The following SLC15A4 variants were observed in gnomAD, a reference collection of about 807,000 sequenced individuals.
SLC15A4 encodes the protein hPHT1.
In SLC15A4, 26 loss-of-function variants were observed where a neutral mutation model predicts 46.1. The ratio of observed to expected loss-of-function variants is 0.56; its 90% CI spans 0.41 to 0.78. SLC15A4 has a LOEUF of 0.78. Among genes scored for constraint, SLC15A4 ranks in the 30% least tolerant of loss-of-function variants. The pLI, the probability that SLC15A4 is intolerant of heterozygous loss-of-function variation, is 0.00. For missense variants in SLC15A4, 751 were observed against 755.7 expected (o/e 0.99, Z 0.07); for synonymous variants, 370 against 333.4 (o/e 1.11, Z -1.20).
chr12:128,812,551 C>T (rs10847695), intron 2 of SLC15A4, among the ~76,000 whole-genome samples: 14,383 of 152,200 alleles, frequency 0.095, 928 homozygotes, highest in Admixed American at 0.2. Context: ...CTCCTGACCT[C>T]GTGATCCGCC....
intron 4 of SLC15A4, 129 bp downstream of exon 4, chr12:128,809,267 T>A: frequency 1.5e-6 from 1 of 672,070 alleles, no homozygotes; most frequent in Non-Finnish European, 2.5e-6. Context: ...AAGTAAAAAC[T>A]CTATTTCAAT....
chr12:128,795,173 G>A (rs973150024), intron 7 of SLC15A4, among the ~76,000 whole-genome samples: 2 of 152,102 alleles, frequency 1.3e-5, no homozygotes, highest in African/African-American at 4.8e-5. Context: ...TGGATTCACT[G>A]CATGGGTCAC....
intron 2 of SLC15A4, chr12:128,810,429 C>T (rs1042749981): frequency 4.2e-5 from 13 of 309,902 alleles, no homozygotes; most frequent in South Asian, 2.8e-4. Flanking sequence ...GCTGCCAGCT[C>T]GGCAATCTCC....
chr12:128,812,778 G>A (rs1280385582), intron 2 of SLC15A4, among the ~76,000 whole-genome samples: 1 of 152,190 alleles, frequency 6.6e-6, no homozygotes, highest in Non-Finnish European at 1.5e-5. Flanking sequence ...AAAAAGGAAA[G>A]CTGGGCTTCG....
At chr12:128,812,827 A>G (rs910395431) in intron 2 of SLC15A4, among the ~76,000 whole-genome samples, 4 of 152,232 alleles carry the variant, frequency 2.6e-5, no homozygotes, top group African/African-American at 9.6e-5. Flanking sequence ...GAGCCAGTTC[A>G]TACAAACAGC....
intron 5 of SLC15A4, among the ~76,000 whole-genome samples, chr12:128,806,165 CAA>C (rs765448653): frequency 5.8e-5 from 5 of 86,290 alleles, no homozygotes; most frequent in Admixed American, 1.4e-4. Context: ...GACTCTGTCT[CAA>C]AAAAAAAAAA....
Position 128,799,281 on chromosome 12 carries a change from C to A in SLC15A4, c.1551G>T (p.Trp517Cys). The change falls in exon 7 of 8, where the codon TGG becomes TGT. Residue 517 changes from tryptophan (W) to cysteine (C), a missense_variant. Trp to Cys is a radical substitution (Grantham distance 215, BLOSUM62 -2). Transcript: ENST00000266771. The part of the protein sequence containing the change: ...LALVSIKAIG[W>C]MSSHTDFGNI... ...TACCAAAGTCTGTGTGACTGCTCAT[C>A]CATCCGATGGCTTTGATAGACACCA... 6.2e-7 allele frequency: 1 copy of A among 1,614,136 alleles called. No individual in the cohort carries two copies. Among genetic ancestry groups the A allele is most frequent in the Non-Finnish European group, 8.5e-7 (1 of 1,180,032 alleles).
Position 128,800,875 on chromosome 12 carries a change from CGCTGATCCCAATCA to C in SLC15A4, c.1379_1392del (p.Leu460ArgfsTer62). 2 of 1,613,050 alleles carry C rather than the reference CGCTGATCCCAATCA, an allele frequency of 1.2e-6. No homozygotes were observed. The highest frequency in any genetic ancestry group is 2.2e-5 in the South Asian group (2 of 90,856). Reference sequence around the variant, plus strand: ...TCACCTGCGATACTTGCAAAGATCTCGCTGATCCCAATCAGCAAGTACTGCGGCACCTGCCACCA... The same window carrying C: ...TCACCTGCGATACTTGCAAAGATCTCGCAAGTACTGCGGCACCTGCCACCA... On this transcript the variant is annotated frameshift_variant, in exon 6 of 8. Transcript: ENST00000266771. LOFTEE classifies it high-confidence loss of function.
chr12:128,823,796 C>T lies in SLC15A4; in HGVS notation c.148G>A (p.Ala50Thr). 2.0e-6 allele frequency: 3 copies of T among 1,501,634 alleles called. No individual in the cohort carries two copies. The highest frequency in any genetic ancestry group is 2.7e-6 in the Non-Finnish European group (3 of 1,131,056). The allele number at this position is 1,501,634 out of a possible 1,614,324, so 93.0% of individuals were successfully genotyped here. ...VLLTELLERAAFYGITSNLVL... is the reference protein window; with the variant it reads ...VLLTELLERATFYGITSNLVL... ...AGGTTGGACGTGATGCCGTAGAAAG[C>T]GGCGCGCTCCAGCAGCTCCGTCAGC... Residue 50 changes from alanine to threonine, a missense_variant, in exon 1 of 8, where the codon GCT becomes ACT. By Grantham distance (58) the Ala-to-Thr change is moderately conservative. Transcript: ENST00000266771.
In SLC15A4 at chr12:128,794,013, C is replaced by T. The variant is rs762305748; in HGVS notation, c.*183G>A. On this transcript the variant is annotated 3_prime_UTR_variant, in exon 8 of 8. Coordinates refer to ENST00000266771, the MANE Select transcript of SLC15A4 (RefSeq NM_145648.4). ...GGAGGGCCCAGCGTGCCAGGAGACACGCTGCAGTAAGGCACTTACCAAGCT... is the reference window on the plus strand; with the variant it reads ...GGAGGGCCCAGCGTGCCAGGAGACATGCTGCAGTAAGGCACTTACCAAGCT... 4.6e-5 allele frequency: 23 copies of T among 496,850 alleles called. No individual in the cohort carries two copies. Among genetic ancestry groups the T allele is most frequent in the African/African-American group, 7.8e-5 (4 of 51,270 alleles). 30.8% of individuals were successfully genotyped at this position (496,850 alleles called of 1,614,324 possible).
rs1350823332 is a variant in SLC15A4 at position 128,800,895 on chromosome 12, T to C, written c.1373A>G (p.Tyr458Cys). The change falls in exon 6 of 8, where the codon TAC (tyrosine) becomes TGC (cysteine). Residue 458 changes from tyrosine to cysteine, a missense_variant. Transcript: ENST00000266771. Reference protein sequence around the residue: ...DLSLWWQVPQYLLIGISEIFA... With the variant: ...DLSLWWQVPQCLLIGISEIFA... ...GATCTCGCTGATCCCAATCAGCAAG[T>C]ACTGCGGCACCTGCCACCACAGCGA... 1 of 1,614,038 alleles carries C rather than the reference T, an allele frequency of 6.2e-7. No individual in the cohort carries two copies. Among genetic ancestry groups the C allele is most frequent in the South Asian group, 1.1e-5 (1 of 91,046 alleles).
rs771494243 is a variant in SLC15A4, at chr12:128,799,298, T to G, written c.1534A>C (p.Ile512Leu). The change falls in exon 7 of 8, where the codon ATC becomes CTC. Residue 512 changes from isoleucine to leucine, a missense_variant. Physicochemically the swap from Ile to Leu is conservative, Grantham distance 5. Transcript: ENST00000266771. ...VGSGLLALVS[I>L]KAIGWMSSHT... ...CTGCTCATCCATCCGATGGCTTTGA[T>G]AGACACCAGTGCCAGCAGTCCAGAA... 5.6e-6 allele frequency: 9 copies of G among 1,613,956 alleles called. No homozygotes were observed. Among genetic ancestry groups the G allele is most frequent in the Non-Finnish European group, 6.8e-6 (8 of 1,180,024 alleles).
At chr12:128,809,888 AG>A in intron 3 of SLC15A4, 54 bp downstream of exon 3, 7 of 1,544,046 alleles carry the variant, frequency 4.5e-6, no homozygotes, top group Non-Finnish European at 6.1e-6. Flanking sequence ...AACAAGTGCT[AG>A]GGTAAGACTT....
chr12:128,799,089 A>C (rs1006961533), intron 7 of SLC15A4, among the ~76,000 whole-genome samples, 170 bp downstream of exon 7: 6 of 152,134 alleles, frequency 3.9e-5, no homozygotes, highest in Admixed American at 2.6e-4. Flanking sequence ...TGATGTAAGG[A>C]AACACAGTGA....
At chr12:128,806,360 T>C (rs1955589738) in intron 5 of SLC15A4, among the ~76,000 whole-genome samples, 1 of 152,086 alleles carries the variant, frequency 6.6e-6, no homozygotes, top group Non-Finnish European at 1.5e-5. Context: ...ATATACCATT[T>C]TTCAACCCTT....
At position 128,814,786 on chromosome 12, in the gene SLC15A4, G is replaced by C. The variant is rs746920247; in HGVS notation, c.831C>G (p.Arg277=). 6.2e-7 allele frequency: 1 copy of C among 1,613,982 alleles called. No homozygotes were observed. Among genetic ancestry groups the C allele is most frequent in the Non-Finnish European group, 8.5e-7 (1 of 1,179,842 alleles). ...SCCSQKRSGE[R]QSNGEGIGVF... is the part of the protein sequence containing the mutation. ...AACTAAGTGCTTACCCATTACTCTG[G>C]CGCTCTCCACTTCGCTTCTGGGAAC... The change falls in exon 2 of 8, where the codon CGC becomes CGG. Residue 277 remains arginine (R), a synonymous_variant. Coordinates refer to ENST00000266771, the MANE Select transcript of SLC15A4 (RefSeq NM_145648.4).
Position 128,794,221 on chromosome 12 carries a change from C to A in SLC15A4, c.1709G>T (p.Gly570Val), listed in dbSNP as rs150004476. 12 of 1,613,250 alleles carry A rather than the reference C, an allele frequency of 7.4e-6. No homozygotes were observed. The highest frequency in any genetic ancestry group is 1.0e-5 in the Non-Finnish European group (12 of 1,179,560). ...HRDHQRSRAN[G>V]VPTSRRA ...TCAGGCCCTCCTGCTGGTGGGCACG[C>A]CATTGGCTCTTGATCGCTGATGGTC... The change falls in exon 8 of 8, where the codon GGC becomes GTC. Residue 570 changes from glycine (G) to valine (V), a missense_variant. Gly to Val is a moderately radical substitution (Grantham distance 109). Coordinates refer to ENST00000266771, the MANE Select transcript of SLC15A4 (RefSeq NM_145648.4).
At chr12:128,805,123 G>C (rs1008513068) in intron 5 of SLC15A4, among the ~76,000 whole-genome samples, 2 of 152,098 alleles carry the variant, frequency 1.3e-5, no homozygotes, top group Non-Finnish European at 2.9e-5. Flanking sequence ...AGGCAGCCGG[G>C]GGGAGATGCA....
intron 4 of SLC15A4, 43 bp from the exon 5 acceptor site, chr12:128,808,999 A>C: frequency 6.3e-7 from 1 of 1,580,648 alleles, no homozygotes; most frequent in Non-Finnish European, 8.6e-7. Flanking sequence ...CCCGCAATAC[A>C]GGCCATCACC....
Sources: gnomAD v4.1 joint callset for allele counts (sites outside exome capture counted in the v4.1 genomes callset) on GRCh38, gnomAD v4.1.1 for gene constraint, MANE v1.5 for transcripts, NCBI Gene and HGNC (gene_info 2026-07-23, HGNC 2026-07-21) for gene names.